The following TENM3 variants were observed in gnomAD, a reference collection of about 807,000 sequenced individuals.
TENM3 encodes teneurin-3.
In TENM3, 63 loss-of-function variants were observed where a neutral mutation model predicts 255.1. The observed-to-expected ratio is 0.25, with a 90% CI of 0.20 to 0.30. The LOEUF is 0.30. Among genes scored for constraint, TENM3 ranks in the 10% least tolerant of loss-of-function variants. The pLI, the probability that TENM3 is intolerant of heterozygous loss-of-function variation, is 1.00. For synonymous variants in TENM3, 1,306 were observed against 1,322.3 expected, an observed-to-expected ratio of 0.99 and a Z score of 0.27; for missense variants, 2,929 against 3,461.1, an observed-to-expected ratio of 0.85 and a Z score of 3.86.
chr4:182,090,130 A>G, the TENM3 span, among the ~76,000 whole-genome samples: 2,019 of 152,348 alleles, frequency 0.013, 21 homozygotes, highest in Non-Finnish European at 0.023. Context: ...AAATTGCTCA[A>G]TGGTAACAGA....
At chr4:182,548,584 C>T (rs181665125) in intron 3 of TENM3, 3 of 152,246 alleles carry the variant, frequency 2.0e-5, no homozygotes, top group Admixed American at 6.5e-5. Context: ...TGTTCTACTC[C>T]AGAGGTGGCA....
the TENM3 span, among the ~76,000 whole-genome samples, chr4:181,631,787 G>A: frequency 6.6e-6 from 1 of 152,116 alleles, no homozygotes; most frequent in Non-Finnish European, 1.5e-5. Flanking sequence ...CACAGGGCAT[G>A]TACACCAGGG....
intron 4 of TENM3, among the ~76,000 whole-genome samples, chr4:182,601,745 G>C (rs1312241354): frequency 6.6e-6 from 1 of 152,146 alleles, no homozygotes; most frequent in Non-Finnish European, 1.5e-5. Context: ...TCCTGACACA[G>C]TTCTATTAGG....
At chr4:182,145,772 G>C (rs1355851477) in intron 1 of TENM3, among the ~76,000 whole-genome samples, 1 of 152,198 alleles carries the variant, frequency 6.6e-6, no homozygotes, top group Non-Finnish European at 1.5e-5. Flanking sequence ...CAGACGGCTG[G>C]GATGCCCGAG....
chr4:181,857,341 A>AG, the TENM3 span, among the ~76,000 whole-genome samples: 1 of 53,000 alleles, frequency 1.9e-5, no homozygotes, highest in Non-Finnish European at 3.7e-5. Flanking sequence ...GGGTGGCTGG[A>AG]GGGGGCAGGT....
the TENM3 span, among the ~76,000 whole-genome samples, chr4:181,735,908 T>G: frequency 2.0e-5 from 3 of 152,218 alleles, no homozygotes; most frequent in African/African-American, 7.2e-5. Flanking sequence ...ATTTAAAGAC[T>G]TCCAGGAGTC....
At chr4:182,296,086 C>G (rs1378300891) in intron 1 of TENM3, among the ~76,000 whole-genome samples, 2 of 152,144 alleles carry the variant, frequency 1.3e-5, no homozygotes, top group African/African-American at 4.8e-5. Context: ...GCCTCAGCCT[C>G]CCGAGTAGCT....
chr4:182,544,113 TTCAATAAGTTTATATA>T (rs1741175675), intron 3 of TENM3, among the ~76,000 whole-genome samples: 1 of 152,162 alleles, frequency 6.6e-6, no homozygotes, highest in Non-Finnish European at 1.5e-5. Context: ...CAGTTTATAG[TTCAATAAGTTTATATA>T]ACTAATAACA....
intron 22 of TENM3, among the ~76,000 whole-genome samples, chr4:182,767,368 G>A (rs894318399): frequency 6.6e-5 from 10 of 152,138 alleles, no homozygotes; most frequent in African/African-American, 2.4e-4. Flanking sequence ...GTCATGACGG[G>A]GTTAGTAGTT....
At chr4:182,331,615 GTA>G (rs1763761025) in intron 2 of TENM3, among the ~76,000 whole-genome samples, 1 of 152,134 alleles carries the variant, frequency 6.6e-6, no homozygotes. Context: ...AAAGTTATTG[GTA>G]TTTTTAAGAC....
In TENM3 at chr4:182,673,115, C is replaced by A. The variant is rs369127922; in HGVS notation, c.1222C>A (p.Leu408Ile). The change falls in exon 7 of 28, where the codon CTC becomes ATC. Residue 408 changes from leucine (L) to isoleucine (I), a missense_variant. Coordinates refer to ENST00000511685, the MANE Select transcript of TENM3 (RefSeq NM_001080477.4). ...IPPGIFWRSQ[L>I]FIDQPQFLKF... ...TCCCGGGATCTTCTGGAGATCACAG[C>A]TCTTCATTGATCAGCCACAGTTTCT... 1.2e-5 allele frequency: 20 copies of A among 1,613,036 alleles called. No individual in the cohort carries two copies. In the African/African-American group the frequency reaches 2.7e-4, roughly 22 times the overall value.
the TENM3 span, among the ~76,000 whole-genome samples, chr4:181,638,862 C>A: frequency 6.6e-6 from 1 of 152,130 alleles, no homozygotes; most frequent in African/African-American, 2.4e-5. Context: ...CAATTAGCTT[C>A]TAAATTAACA....
rs560110114 is a variant in TENM3, at chr4:182,642,118, A to C, written c.989-11653A>C. On this transcript the variant is annotated intron_variant, in intron 5 of 27. Transcript: ENST00000511685. ...TCAATATTGACAAGTATTATCTCAA[A>C]AATTCTCTAGCTTATAGGTAATGGC... 5.3e-5 allele frequency among the ~76,000 whole-genome samples: 8 copies of C among 152,320 alleles called. No homozygotes were observed. The South Asian group carries it at 1.7e-3, about 32-fold the overall frequency.
chr4:181,826,521 T>C, the TENM3 span, among the ~76,000 whole-genome samples: 1 of 152,230 alleles, frequency 6.6e-6, no homozygotes, highest in African/African-American at 2.4e-5. Flanking sequence ...AATCTCTAGA[T>C]AAATTTGAAT....
intron 22 of TENM3, among the ~76,000 whole-genome samples, chr4:182,768,026 A>G (rs1038463392): frequency 2.0e-5 from 3 of 152,158 alleles, no homozygotes; most frequent in African/African-American, 7.2e-5. Flanking sequence ...ACGTAACGAC[A>G]TATGCTGGTC....
At chr4:182,664,525 C>G (rs1187715043) in intron 6 of TENM3, among the ~76,000 whole-genome samples, 1 of 152,132 alleles carries the variant, frequency 6.6e-6, no homozygotes, top group Admixed American at 6.6e-5. Flanking sequence ...AAGAATCACA[C>G]GTCTCTCAGT....
intron 1 of TENM3, among the ~76,000 whole-genome samples, chr4:182,163,932 A>G (rs940446747): frequency 1.3e-5 from 2 of 152,168 alleles, no homozygotes; most frequent in African/African-American, 2.4e-5. Context: ...AGCTCTTGCA[A>G]TGTCATAGAT....
chr4:182,205,548 A>T (rs538593957), intron 1 of TENM3, among the ~76,000 whole-genome samples: 1 of 152,244 alleles, frequency 6.6e-6, no homozygotes, highest in African/African-American at 2.4e-5. Flanking sequence ...TGACTGATTT[A>T]CACCCAGCCT....
At chr4:181,980,305 A>C in the TENM3 span, 1 of 152,094 alleles carries the variant, frequency 6.6e-6, no homozygotes, top group Non-Finnish European at 1.5e-5. Context: ...TCTCTCCCAC[A>C]TTGTAGACTT....
Sources: allele counts gnomAD v4.1 joint callset (sites outside exome capture counted in the v4.1 genomes callset), GRCh38; gene constraint gnomAD v4.1.1; transcripts MANE v1.5; gene names NCBI Gene and HGNC (gene_info 2026-07-23, HGNC 2026-07-21).